GBF1: variants seen among roughly 807,000 people sequenced by gnomAD.
GBF1 encodes golgi brefeldin A resistant guanine nucleotide exchange factor 1, also known as Golgi-specific brefeldin A-resistance guanine nucleotide exchange factor 1.
GBF1 carries 114 observed loss-of-function variants against 210.5 expected under a neutral mutation model. That is an observed-to-expected ratio of 0.54 (90% CI 0.47 to 0.63). The LOEUF (loss-of-function observed/expected upper bound fraction) is 0.63, where lower values mean the gene tolerates loss of function less well. Among genes scored for constraint, GBF1 ranks in the 30% least tolerant of loss-of-function variants. GBF1 has a pLI of 0.00. For synonymous variants in GBF1, 850 were observed against 889.2 expected (o/e 0.96, Z 0.78); for missense variants, 1,851 against 2,357.7 (o/e 0.79, Z 4.45).
At chr10:102,311,264 T>C (rs535351329) in intron 3 of GBF1, among the ~76,000 whole-genome samples, 2 of 152,346 alleles carry the variant, frequency 1.3e-5, no homozygotes, top group East Asian at 3.9e-4. Flanking sequence ...TTCTGTTTAA[T>C]GTCCTTAGTT....
intron 3 of GBF1, among the ~76,000 whole-genome samples, chr10:102,275,126 A>G (rs1284590055): frequency 6.6e-6 from 1 of 151,054 alleles, no homozygotes; most frequent in Non-Finnish European, 1.5e-5. Flanking sequence ...AAGTGCTGGG[A>G]TTACAGGCAT....
chr10:102,313,537 G>A (rs534696245), intron 3 of GBF1, among the ~76,000 whole-genome samples: 2 of 152,266 alleles, frequency 1.3e-5, no homozygotes, highest in South Asian at 2.1e-4. Flanking sequence ...CCCACACCCT[G>A]GTAGGTGAAG....
chr10:102,256,270 CT>C (rs2072356321), intron 1 of GBF1, among the ~76,000 whole-genome samples: 1 of 151,998 alleles, frequency 6.6e-6, no homozygotes, highest in Admixed American at 6.6e-5. Flanking sequence ...GTACCAGTTT[CT>C]TTTTCCTTTA....
At position 102,360,381 on chromosome 10, in the gene GBF1, C is replaced by T. The variant is rs2059524689; in HGVS notation, c.1378C>T (p.Arg460Cys). Residue 460 changes from arginine (R) to cysteine (C), a missense_variant, in exon 12 of 40, where the codon CGT (arginine) becomes TGT (cysteine). By Grantham distance (180) the Arg-to-Cys change is radical (BLOSUM62 -3). Transcript: ENST00000369983. ...LLGLIKDEMC[R>C]HLFQLLSIER... ...GGGCCTCATCAAGGATGAGATGTGC[C>T]GTCACTTATTCCAGGTAAGACAAGA... 6.2e-7 allele frequency: 1 copy of T among 1,607,830 alleles called. No individual in the cohort carries two copies. Among genetic ancestry groups the T allele is most frequent in the Admixed American group, 1.7e-5 (1 of 59,996 alleles).
At position 102,258,955 on chromosome 10, in the gene GBF1, T is replaced by C. The variant is rs2072833580; in HGVS notation, c.17T>C (p.Ile6Thr). 1 of 1,597,552 alleles carries C rather than the reference T, an allele frequency of 6.3e-7. No individual in the cohort carries two copies. The highest frequency in any genetic ancestry group is 1.7e-5 in the Admixed American group (1 of 59,970). MVDKN[I>T]YIIQGEINIV... The stretch of plus-strand genomic sequence containing the variant: ...TTTGCCAAGATGGTGGATAAGAATA[T>C]TTACATCATTCAAGGGGAGATTAAC... Residue 6 changes from isoleucine to threonine, a missense_variant, in exon 2 of 40, where the codon ATT (isoleucine) becomes ACT (threonine). Physicochemically the swap from Ile to Thr is moderately conservative, Grantham distance 89. This residue lies in a region of GBF1 where 804 missense variants were observed against 958.6 expected (regional missense o/e 0.84). Coordinates refer to ENST00000369983, the MANE Select transcript of GBF1 (RefSeq NM_001377137.1).
At chr10:102,359,818 C>T (rs1415027523) in intron 11 of GBF1, among the ~76,000 whole-genome samples, 1 of 148,054 alleles carries the variant, frequency 6.8e-6, no homozygotes, top group African/African-American at 2.5e-5. Flanking sequence ...TGGATTGCTG[C>T]AGTGGCACAA....
chr10:102,358,596 G>T lies in GBF1; in HGVS notation c.878G>T (p.Gly293Val), dbSNP rs770240595. The T allele has an allele frequency of 6.2e-7, 1 of 1,613,786 alleles. No homozygotes were observed. The highest frequency in any genetic ancestry group is 2.2e-5 in the East Asian group (1 of 44,884). The change falls in exon 10 of 40, where the codon GGC becomes GTC. Residue 293 changes from glycine to valine, a missense_variant. Coordinates refer to ENST00000369983, the MANE Select transcript of GBF1 (RefSeq NM_001377137.1). ...GTGGTCAGTCCCTCTACAGACAGTG[G>T]CCTGGAATTCTCCTCCCAAACCACT... ...SAVVSPSTDS[G>V]LEFSSQTTSK...
chr10:102,354,542 C>T (rs922304827), intron 8 of GBF1, among the ~76,000 whole-genome samples: 10 of 152,154 alleles, frequency 6.6e-5, no homozygotes, highest in Non-Finnish European at 1.0e-4. Context: ...CACCTGGGTC[C>T]CATTTCCATT....
rs371640702 is a variant in GBF1, at chr10:102,353,641, C to T, written c.626C>T (p.Thr209Ile). The change falls in exon 8 of 40, where the codon ACC (threonine) becomes ATC (isoleucine). Residue 209 changes from threonine to isoleucine, a missense_variant. Transcript: ENST00000369983. The part of the protein sequence containing the change: ...FKEEPKNYVG[T>I]NMKKLKMRAG... ...GAAGAACCCAAGAACTATGTGGGGA[C>T]CAACATGAAGAAGGTATGATCTGAG... is the stretch of plus-strand genomic sequence containing the variant. 1.9e-6 allele frequency: 3 copies of T among 1,609,608 alleles called. No homozygotes were observed. Among genetic ancestry groups the T allele is most frequent in the South Asian group, 1.1e-5 (1 of 91,006 alleles).
At chr10:102,343,968 C>G in intron 3 of GBF1, 83 bp from the exon 4 acceptor site, 4 of 1,127,464 alleles carry the variant, frequency 3.5e-6, no homozygotes, top group Non-Finnish European at 5.3e-6. Context: ...GACCTCTAGC[C>G]TCATGGCACA....
rs766520791 is a variant in GBF1 at position 102,360,221 on chromosome 10, C to T, written c.1218C>T (p.Arg406=). Residue 406 remains arginine (R), a synonymous_variant, in exon 12 of 40, where the codon CGC becomes CGT. Coordinates refer to ENST00000369983, the MANE Select transcript of GBF1 (RefSeq NM_001377137.1). ...TCCCCTATGGTCTTCCCTGCATCCG[C>T]GAGCTCTTCCGCTTCCTCATCTCCC... ...ALVPYGLPCI[R]ELFRFLISLT... 6 of 1,613,852 alleles carry T rather than the reference C, an allele frequency of 3.7e-6. No homozygotes were observed. Among genetic ancestry groups the T allele is most frequent in the Admixed American group, 3.3e-5 (2 of 60,000 alleles).
chr10:102,313,270 A>G (rs1056708162), intron 3 of GBF1, among the ~76,000 whole-genome samples: 8 of 152,294 alleles, frequency 5.3e-5, no homozygotes, highest in East Asian at 3.9e-4. Flanking sequence ...CTGAGTACAC[A>G]TGAGTCGGTA....
intron 8 of GBF1, among the ~76,000 whole-genome samples, chr10:102,357,070 G>C (rs1320830014): frequency 5.3e-5 from 8 of 152,288 alleles, no homozygotes; most frequent in Middle Eastern, 3.4e-3. Context: ...GAGCAGCAGA[G>C]AGCACAGCAG....
chr10:102,331,636 G>T (rs2057338722), intron 3 of GBF1, among the ~76,000 whole-genome samples: 1 of 151,812 alleles, frequency 6.6e-6, no homozygotes, highest in African/African-American at 2.4e-5. Flanking sequence ...GACCTTTGAG[G>T]GATTGATCAG....
chr10:102,272,938 G>C (rs1340719695), intron 3 of GBF1, among the ~76,000 whole-genome samples: 2 of 152,110 alleles, frequency 1.3e-5, no homozygotes, highest in South Asian at 4.1e-4. Flanking sequence ...GCCAGTGTGC[G>C]TCCCCTTCAG....
intron 3 of GBF1, among the ~76,000 whole-genome samples, chr10:102,342,119 C>T (rs2058224770): frequency 6.6e-6 from 1 of 150,906 alleles, no homozygotes; most frequent in South Asian, 2.1e-4. Flanking sequence ...TCACTGAAAG[C>T]TCTGCCTCCT....
intron 3 of GBF1, among the ~76,000 whole-genome samples, chr10:102,322,957 C>T (rs2056552863): frequency 7.2e-5 from 11 of 151,944 alleles, no homozygotes; most frequent in Admixed American, 5.9e-4. Flanking sequence ...AAGAGCCAGC[C>T]ATTTCAATGA....
At chr10:102,369,553 G>A (rs1249592730) in intron 24 of GBF1, among the ~76,000 whole-genome samples, 158 bp from the exon 25 acceptor site, 1 of 152,240 alleles carries the variant, frequency 6.6e-6, no homozygotes, top group Non-Finnish European at 1.5e-5. Context: ...GGGGATAGCT[G>A]TAAAAGAAGG....
chr10:102,266,819 G>A (rs2073915099), intron 3 of GBF1, among the ~76,000 whole-genome samples: 1 of 152,194 alleles, frequency 6.6e-6, no homozygotes, highest in African/African-American at 2.4e-5. Context: ...AGCAGGTTAT[G>A]GCGTGCTTGA....
Sources: gnomAD v4.1 joint callset for allele counts (sites outside exome capture counted in the v4.1 genomes callset) on GRCh38, gnomAD v4.1.1 for gene constraint, gnomAD v4.1.1 regional missense constraint, MANE v1.5 for transcripts, NCBI Gene and HGNC (gene_info 2026-07-23, HGNC 2026-07-21) for gene names.